HFM1: variants seen among roughly 807,000 people sequenced by gnomAD.
HFM1 encodes helicase for meiosis 1.
HFM1 carries 169 observed loss-of-function variants against 192.1 expected under a neutral mutation model. The observed-to-expected ratio is 0.88, with a 90% CI of 0.78 to 1.00. The LOEUF is 1.00. HFM1 is among the 50% of genes least tolerant of loss of function. The pLI, the probability that HFM1 is intolerant of heterozygous loss-of-function variation, is 0.00. For synonymous variants in HFM1, 525 were observed against 537.8 expected (o/e 0.98, Z 0.33); for missense variants, 1,661 against 1,668.0 (o/e 1.00, Z 0.07).
At chr1:91,406,053 T>C (rs1338452289), upstream of HFM1, among the ~76,000 whole-genome samples, 1 of 152,224 alleles carries the variant, frequency 6.6e-6, no homozygotes, top group African/African-American at 2.4e-5. Context: ...GTGAGGTAAT[T>C]AACTCAAAAG....
intron 20 of HFM1, 92 bp downstream of exon 20, chr1:91,343,338 G>T: frequency 1.9e-6 from 1 of 532,608 alleles, no homozygotes; most frequent in Non-Finnish European, 3.4e-6. Context: ...TCACAATTTA[G>T]TTTTATCACC....
chr1:91,359,059 ACAC>A (rs1267217532), intron 13 of HFM1, among the ~76,000 whole-genome samples: 16 of 152,364 alleles, frequency 1.1e-4, no homozygotes, highest in Admixed American at 6.5e-4. Context: ...CAAACAGAAA[ACAC>A]CACCACCAAC....
chr1:91,348,477 G>A (rs888678672), intron 18 of HFM1, among the ~76,000 whole-genome samples: 5 of 152,150 alleles, frequency 3.3e-5, no homozygotes, highest in Admixed American at 6.5e-5. Flanking sequence ...TTTATCATAC[G>A]GATAGATTCA....
intron 6 of HFM1, 34 bp downstream of exon 6, chr1:91,385,153 A>G: frequency 8.2e-7 from 1 of 1,226,008 alleles, no homozygotes; most frequent in Non-Finnish European, 1.2e-6. Context: ...TTTAATAAAT[A>G]CAAAGCAGCT....
chr1:91,404,606 A>C, intron 1 of HFM1, 192 bp downstream of exon 1: 1 of 263,816 alleles, frequency 3.8e-6, no homozygotes, highest in Non-Finnish European at 7.5e-6. Flanking sequence ...AATGCGGCTG[A>C]GGCGCTGGCG....
chr1:91,398,204 G>C (rs1221666915), intron 2 of HFM1, among the ~76,000 whole-genome samples: 2 of 152,038 alleles, frequency 1.3e-5, no homozygotes, highest in East Asian at 3.9e-4. Flanking sequence ...TAAGAAAGAG[G>C]AATAATAGCT....
intron 30 of HFM1, among the ~76,000 whole-genome samples, chr1:91,299,149 A>T (rs562969642): frequency 6.6e-6 from 1 of 152,346 alleles, no homozygotes; most frequent in South Asian, 2.1e-4. Context: ...CTAGTCTCTG[A>T]TAAAACAGAC....
At chr1:91,396,887 C>CA (rs1051057334) in intron 2 of HFM1, among the ~76,000 whole-genome samples, 1 of 152,212 alleles carries the variant, frequency 6.6e-6, no homozygotes, top group African/African-American at 2.4e-5. Flanking sequence ...GGCTGCACAG[C>CA]AAGAGGTGAG....
At chr1:91,284,541 C>T (rs1338040827) in intron 30 of HFM1, among the ~76,000 whole-genome samples, 1 of 152,108 alleles carries the variant, frequency 6.6e-6, no homozygotes, top group Non-Finnish European at 1.5e-5. Context: ...GTGTGAGCCA[C>T]TGTACCTAGC....
At chr1:91,280,023 A>G (rs1667317872) in intron 30 of HFM1, among the ~76,000 whole-genome samples, 1 of 152,212 alleles carries the variant, frequency 6.6e-6, no homozygotes. Flanking sequence ...AGTATGTAAA[A>G]ACAATTGACA....
chr1:91,268,653 T>C (rs1432257228), intron 34 of HFM1, among the ~76,000 whole-genome samples: 1 of 152,066 alleles, frequency 6.6e-6, no homozygotes, highest in Admixed American at 6.5e-5. Context: ...AAGTTTATTA[T>C]AATCTTTGCT....
In HFM1 at chr1:91,347,471, C is replaced by T; in HGVS notation, c.2212G>A (p.Ala738Thr). The T allele has an allele frequency of 1.3e-6, 2 of 1,585,090 alleles. No individual in the cohort carries two copies. The highest frequency in any genetic ancestry group is 1.7e-6 in the Non-Finnish European group (2 of 1,163,784). ...ALKNPSHYGFASGLNKDGIEA... is the reference protein window; with the variant it reads ...ALKNPSHYGFTSGLNKDGIEA... The stretch of plus-strand genomic sequence containing the variant: ...ATTCCATCTTTGTTCAATCCAGATG[C>T]AAAACCTGCATGTCATGAAAAAGTA... Residue 738 changes from alanine to threonine, a missense_variant, in exon 19 of 39, where the codon GCA becomes ACA. Coordinates refer to ENST00000370425, the MANE Select transcript of HFM1 (RefSeq NM_001017975.6).
At chr1:91,388,959 C>A (rs1477757938) in intron 4 of HFM1, among the ~76,000 whole-genome samples, 1 of 151,872 alleles carries the variant, frequency 6.6e-6, no homozygotes, top group African/African-American at 2.4e-5. Flanking sequence ...ACAAATAGCC[C>A]AATTAAAATA....
In HFM1 at chr1:91,353,448, C is replaced by T. The variant is rs115099247; in HGVS notation, c.1686-149G>A. The T allele has an allele frequency of 2.9e-5, 15 of 508,988 alleles. No homozygotes were observed. In the African/African-American group the frequency reaches 3.0e-4, roughly 10 times the overall value. The allele number at this position is 508,988 out of a possible 1,614,324, so 31.5% of individuals were successfully genotyped here. A position where few individuals can be genotyped will look rare whatever the true frequency, so the allele number is the denominator to read the frequency against. On this transcript the variant is annotated intron_variant, in intron 13 of 38. Transcript: ENST00000370425. ...ATTTTAAGAAGTAGAAAATATCCAA[C>T]TTTCATATTCAAAAGTCCCTAAACT... is the stretch of plus-strand genomic sequence containing the variant.
intron 30 of HFM1, among the ~76,000 whole-genome samples, chr1:91,283,286 T>C (rs182207546): frequency 6.6e-6 from 1 of 152,238 alleles, no homozygotes; most frequent in African/African-American, 2.4e-5. Flanking sequence ...CTCTATCACC[T>C]AGGCAGGAGT....
chr1:91,378,297 T>C (rs1384283774), intron 10 of HFM1, 106 bp downstream of exon 10: 2 of 1,241,156 alleles, frequency 1.6e-6, no homozygotes, highest in African/African-American at 3.0e-5. Flanking sequence ...ATTTTCCACT[T>C]GAAGGGATAA....
chr1:91,351,745 G>C (rs1656968004), intron 16 of HFM1, 102 bp from the exon 17 acceptor site: 1 of 506,952 alleles, frequency 2.0e-6, no homozygotes, highest in Non-Finnish European at 3.5e-6. Context: ...CAGTCTCCTT[G>C]TCTGAAATAA....
At chr1:91,320,471 G>A (rs903539914) in intron 23 of HFM1, among the ~76,000 whole-genome samples, 1 of 152,150 alleles carries the variant, frequency 6.6e-6, no homozygotes, top group Admixed American at 6.5e-5. Context: ...GCTTTTAAAT[G>A]CTGGGTAAAT....
At chr1:91,391,571 T>A (rs1278092592) in intron 4 of HFM1, among the ~76,000 whole-genome samples, 1 of 152,138 alleles carries the variant, frequency 6.6e-6, no homozygotes, top group Non-Finnish European at 1.5e-5. Flanking sequence ...GAAACTGGAT[T>A]CCTTCCTTAC....
Sources: allele counts gnomAD v4.1 joint callset (sites outside exome capture counted in the v4.1 genomes callset), GRCh38; gene constraint gnomAD v4.1.1; transcripts MANE v1.5; gene names NCBI Gene and HGNC (gene_info 2026-07-23, HGNC 2026-07-21).